Variants in BMPR1B observed in about 807,000 individuals in gnomAD.
The protein encoded by BMPR1B is bone morphogenetic protein receptor type-1B.
A neutral mutation model predicts 59.1 loss-of-function variants in BMPR1B; 12 were observed. That is an observed-to-expected ratio of 0.20 (90% CI 0.13 to 0.33). The LOEUF (loss-of-function observed/expected upper bound fraction) is 0.33. BMPR1B is among the 10% of genes least tolerant of loss of function. The probability of loss-of-function intolerance (pLI) is 1.00; values close to 1 mark genes in which losing one functional copy is unlikely to be tolerated. For synonymous variants in BMPR1B, 237 were observed against 207.3 expected, an observed-to-expected ratio of 1.14 and a Z score of -1.23; for missense variants, 550 against 610.9, an observed-to-expected ratio of 0.90 and a Z score of 1.05.
intron 3 of BMPR1B, among the ~76,000 whole-genome samples, chr4:95,018,000 T>A (rs906528301): frequency 6.6e-6 from 1 of 152,194 alleles, no homozygotes; most frequent in African/African-American, 2.4e-5. Flanking sequence ...ATACTGTCTT[T>A]TCATGCTTGA....
chr4:94,987,055 T>TATATA (rs1721454874), intron 2 of BMPR1B, among the ~76,000 whole-genome samples: 1 of 142,164 alleles, frequency 7.0e-6, no homozygotes, highest in Admixed American at 7.2e-5. Flanking sequence ...AAAATATATA[T>TATATA]ATATATAATA....
At chr4:94,998,714 A>AACCCATTGCTTTTAATC (rs1244069470) in intron 3 of BMPR1B, among the ~76,000 whole-genome samples, 1 of 152,038 alleles carries the variant, frequency 6.6e-6, no homozygotes, top group Non-Finnish European at 1.5e-5. Flanking sequence ...CACCCTGATG[A>AACCCATTGCTTTTAATC]ACCCATTGCT....
At chr4:94,782,700 CTT>C (rs1221529532) in intron 1 of BMPR1B, among the ~76,000 whole-genome samples, 1 of 152,168 alleles carries the variant, frequency 6.6e-6, no homozygotes, top group African/African-American at 2.4e-5. Context: ...ATCACATCAT[CTT>C]TTATTTCTTT....
In BMPR1B at chr4:94,873,758, G is replaced by A. The variant is rs368069472; in HGVS notation, c.-182-2073G>A. 1.4e-4 allele frequency among the ~76,000 whole-genome samples: 21 copies of A among 152,084 alleles called. No individual in the cohort carries two copies. In the East Asian group the frequency reaches 4.1e-3, roughly 29 times the overall value. The stretch of plus-strand genomic sequence containing the variant: ...TCCTGTGTGTTATGTGTCTTATTGC[G>A]TTTAAAAAAATTAATGTAAAATACA... On this transcript the variant is annotated intron_variant, in intron 1 of 12. Coordinates refer to ENST00000515059, the MANE Select transcript of BMPR1B (RefSeq NM_001203.3).
chr4:95,127,869 T>C (rs1167595822), intron 8 of BMPR1B, among the ~76,000 whole-genome samples: 1 of 151,810 alleles, frequency 6.6e-6, no homozygotes, highest in Non-Finnish European at 1.5e-5. Flanking sequence ...CCCCAAAATG[T>C]TCATGCCCTA....
chr4:94,816,292 G>A (rs1308224290), intron 1 of BMPR1B, among the ~76,000 whole-genome samples: 1 of 152,080 alleles, frequency 6.6e-6, no homozygotes, highest in African/African-American at 2.4e-5. Flanking sequence ...GACTGCAGGT[G>A]CACGCCACCA....
intron 3 of BMPR1B, among the ~76,000 whole-genome samples, chr4:95,086,214 T>C (rs968132363): frequency 3.3e-5 from 5 of 152,190 alleles, no homozygotes; most frequent in African/African-American, 1.2e-4. Context: ...TCCTTTCTTG[T>C]CCCTATTTTT....
At chr4:94,764,843 A>C (rs1361110687) in intron 1 of BMPR1B, among the ~76,000 whole-genome samples, 1 of 152,172 alleles carries the variant, frequency 6.6e-6, no homozygotes, top group East Asian at 1.9e-4. Flanking sequence ...AGGACCAGGC[A>C]CTGTACTAGG....
intron 1 of BMPR1B, among the ~76,000 whole-genome samples, chr4:94,784,022 C>T (rs1329217860): frequency 6.6e-6 from 1 of 152,144 alleles, no homozygotes; most frequent in African/African-American, 2.4e-5. Context: ...AGACTCTCAA[C>T]CTTCTTACCA....
At chr4:94,863,055 G>T (rs1213084013) in intron 1 of BMPR1B, among the ~76,000 whole-genome samples, 1 of 151,970 alleles carries the variant, frequency 6.6e-6, no homozygotes, top group Non-Finnish European at 1.5e-5. Flanking sequence ...GGCAGAGGTT[G>T]CAGTGAGCCG....
At chr4:94,949,373 G>A (rs1729843905) in intron 2 of BMPR1B, among the ~76,000 whole-genome samples, 1 of 96,752 alleles carries the variant, frequency 1.0e-5, no homozygotes, top group East Asian at 2.2e-4. Flanking sequence ...GCGGACTGCA[G>A]TGGCGCAATC....
intron 3 of BMPR1B, among the ~76,000 whole-genome samples, chr4:95,044,220 AT>A (rs1312778478): frequency 6.6e-6 from 1 of 152,154 alleles, no homozygotes; most frequent in Non-Finnish European, 1.5e-5. Context: ...ACTATAGAGA[AT>A]TTTTTGAAAC....
At chr4:94,893,353 G>A (rs1372278266) in intron 2 of BMPR1B, among the ~76,000 whole-genome samples, 1 of 151,936 alleles carries the variant, frequency 6.6e-6, no homozygotes, top group Non-Finnish European at 1.5e-5. Flanking sequence ...GACCATTTCC[G>A]TCTTTCTTAA....
intron 2 of BMPR1B, among the ~76,000 whole-genome samples, chr4:94,896,181 A>G (rs144263969): frequency 6.6e-6 from 1 of 152,062 alleles, no homozygotes; most frequent in Non-Finnish European, 1.5e-5. Context: ...TTTCTTTAGG[A>G]GTTTGAAAAA....
chr4:94,976,390 A>G (rs1731034281), intron 2 of BMPR1B, among the ~76,000 whole-genome samples: 1 of 152,198 alleles, frequency 6.6e-6, no homozygotes, highest in Non-Finnish European at 1.5e-5. Context: ...TCAGAGTTAT[A>G]TGTAAGAAAC....
At chr4:94,900,046 A>G (rs529828078) in intron 2 of BMPR1B, among the ~76,000 whole-genome samples, 19 of 152,160 alleles carry the variant, frequency 1.2e-4, no homozygotes, top group African/African-American at 4.6e-4. Flanking sequence ...GAGAAAAGGC[A>G]AGGGTTAGAA....
intron 1 of BMPR1B, among the ~76,000 whole-genome samples, chr4:94,817,341 G>A (rs891032831): frequency 6.6e-6 from 1 of 152,210 alleles, no homozygotes; most frequent in Non-Finnish European, 1.5e-5. Context: ...ATTCTGAGAA[G>A]AATATGCCAT....
At chr4:94,806,769 T>G (rs975650035) in intron 1 of BMPR1B, among the ~76,000 whole-genome samples, 6 of 152,206 alleles carry the variant, frequency 3.9e-5, no homozygotes, top group Admixed American at 1.3e-4. Flanking sequence ...TAGCGTAGCG[T>G]TGTCCCAAAT....
At chr4:95,115,842 A>G in intron 6 of BMPR1B, 55 bp downstream of exon 6, 1 of 1,479,314 alleles carries the variant, frequency 6.8e-7, no homozygotes, top group Admixed American at 1.7e-5. Flanking sequence ...GAAAATAAAA[A>G]CTAAAAACTA....
Sources: gnomAD v4.1 joint callset for allele counts (sites outside exome capture counted in the v4.1 genomes callset) on GRCh38, gnomAD v4.1.1 for gene constraint, MANE v1.5 for transcripts, NCBI Gene and HGNC (gene_info 2026-07-23, HGNC 2026-07-21) for gene names.